The following IPCEF1 variants were observed in gnomAD, a reference collection of about 807,000 sequenced individuals.
IPCEF1 encodes the protein interactor protein for cytohesin exchange factors 1.
In IPCEF1, 31 loss-of-function variants were observed where a neutral mutation model predicts 50.9. The observed-to-expected ratio is 0.61, with a 90% CI of 0.46 to 0.82. The LOEUF (loss-of-function observed/expected upper bound fraction) is 0.82, where lower values mean the gene tolerates loss of function less well. Among genes scored for constraint, IPCEF1 ranks in the 40% least tolerant of loss-of-function variants. IPCEF1 has a pLI of 0.00. For synonymous variants in IPCEF1, 181 were observed against 192.0 expected (o/e 0.94, Z 0.47); for missense variants, 458 against 514.0 (o/e 0.89, Z 1.05).
intron 1 of IPCEF1, among the ~76,000 whole-genome samples, chr6:154,294,739 C>A (rs2128671070): frequency 6.6e-6 from 1 of 152,186 alleles, no homozygotes; most frequent in South Asian, 2.1e-4. Flanking sequence ...CCCTTCTCAC[C>A]CTTCAAAGTG....
chr6:154,244,482 G>A (rs374729816), intron 5 of IPCEF1, among the ~76,000 whole-genome samples: 1 of 152,306 alleles, frequency 6.6e-6, no homozygotes, highest in South Asian at 2.1e-4. Context: ...CTGTATTCAA[G>A]TACATGCTTT....
intron 5 of IPCEF1, among the ~76,000 whole-genome samples, chr6:154,226,227 C>T (rs1389643713): frequency 6.6e-6 from 1 of 152,190 alleles, no homozygotes; most frequent in Non-Finnish European, 1.5e-5. Context: ...AAAACCCATA[C>T]CTTGTATCAC....
chr6:154,259,719 G>A, intron 3 of IPCEF1, among the ~76,000 whole-genome samples: 1 of 151,918 alleles, frequency 6.6e-6, no homozygotes, highest in East Asian at 1.9e-4. Flanking sequence ...ATGGGGCAGG[G>A]GTGGCATGAG....
chr6:154,168,155 T>C lies in IPCEF1; in HGVS notation c.911-42A>G. The C allele has an allele frequency of 1.4e-6, 2 of 1,451,390 alleles. No individual in the cohort carries two copies. The highest frequency in any genetic ancestry group is 1.9e-6 in the Non-Finnish European group (2 of 1,075,126). 89.9% of individuals were successfully genotyped at this position (1,451,390 alleles called of 1,614,324 possible). ...AAGAAAGCAGTAACAATAAACCCAG[T>C]GAAAAATCAAGGAGAGAACATTCAA... On this transcript the variant is annotated intron_variant, in intron 10 of 11. Transcript: ENST00000367220. This position sits in a 1 kb window ranked among gnomAD's most constrained non-coding sequence, Gnocchi z 4.1.
At chr6:154,208,301 C>T (rs1777671331) in intron 9 of IPCEF1, among the ~76,000 whole-genome samples, 3 of 152,158 alleles carry the variant, frequency 2.0e-5, no homozygotes, top group Admixed American at 1.3e-4. Flanking sequence ...TCTCACTGTT[C>T]CCTTTGCTTG....
chr6:154,262,314 T>A (rs1463928566), intron 3 of IPCEF1, among the ~76,000 whole-genome samples: 15 of 152,234 alleles, frequency 9.9e-5, no homozygotes. Context: ...ATAGTGGTAA[T>A]GGCTTTAGGT....
Position 154,168,327 on chromosome 6 carries a change from G to A in IPCEF1, c.911-214C>T, listed in dbSNP as rs999996939. ...CCACGTTCCCTGTGAAGGCACCAGG[G>A]AAGGAGTTATTCCAAGCCTCTCTCC... On this transcript the variant is annotated intron_variant, in intron 10 of 11. Coordinates refer to ENST00000367220, the MANE Select transcript of IPCEF1 (RefSeq NM_001130700.2). This position sits in a 1 kb window ranked among gnomAD's most constrained non-coding sequence, Gnocchi z 4.1. Among the ~76,000 whole-genome samples, 1 of 152,136 alleles carries A rather than the reference G, an allele frequency of 6.6e-6. No individual in the cohort carries two copies. Among genetic ancestry groups the A allele is most frequent in the African/African-American group, 2.4e-5 (1 of 41,430 alleles).
At position 154,203,224 on chromosome 6, in the gene IPCEF1, C is replaced by G. The variant is rs150809279; in HGVS notation, c.538-3184G>C. Among the ~76,000 whole-genome samples the G allele has an allele frequency of 1.4e-3, 212 of 152,288 alleles. 1 individual carries two copies. Among genetic ancestry groups the G allele is most frequent in the African/African-American group, 4.9e-3 (203 of 41,578 alleles). ...CAGTGCTAGTCTCTCCTCTCCGCCC[C>G]ACCTCTACTGGTAAATATGAGCCCA... On this transcript the variant is annotated intron_variant, in intron 9 of 11. Coordinates refer to ENST00000367220, the MANE Select transcript of IPCEF1 (RefSeq NM_001130700.2).
At chr6:154,309,089 T>G (rs1257912934) in intron 1 of IPCEF1, among the ~76,000 whole-genome samples, 1 of 152,162 alleles carries the variant, frequency 6.6e-6, no homozygotes, top group East Asian at 1.9e-4. Flanking sequence ...TTTGCTAAAA[T>G]AAGTTGTCTC....
At chr6:154,312,445 C>T (rs1282753739) in intron 1 of IPCEF1, among the ~76,000 whole-genome samples, 1 of 152,084 alleles carries the variant, frequency 6.6e-6, no homozygotes, top group Non-Finnish European at 1.5e-5. Flanking sequence ...CTCCTGGGTT[C>T]AAGTGATTCT....
intron 1 of IPCEF1, among the ~76,000 whole-genome samples, chr6:154,307,275 G>A (rs1326780301): frequency 6.6e-6 from 1 of 152,060 alleles, no homozygotes; most frequent in Non-Finnish European, 1.5e-5. Context: ...GATAGTGAAT[G>A]GGTCTCATGA....
intron 1 of IPCEF1, among the ~76,000 whole-genome samples, chr6:154,317,548 C>CAAAAAAAAAAAAAAAAAAAAA (rs71021041): frequency 1.8e-4 from 3 of 16,314 alleles, no homozygotes; most frequent in African/African-American, 3.0e-4. Flanking sequence ...GACTCCATCT[C>CAAAAAAAAAAAAAAAAAAAAA]AAAAAAAAAA....
At chr6:154,222,234 C>A (rs751043807) in intron 6 of IPCEF1, among the ~76,000 whole-genome samples, 1 of 152,220 alleles carries the variant, frequency 6.6e-6, no homozygotes, top group African/African-American at 2.4e-5. Context: ...ACCCTTTAGG[C>A]AGGAAGTCCT....
At chr6:154,218,289 T>C (rs1255576211) in intron 7 of IPCEF1, among the ~76,000 whole-genome samples, 1 of 152,222 alleles carries the variant, frequency 6.6e-6, no homozygotes, top group Non-Finnish European at 1.5e-5. Context: ...CTTCCCACAG[T>C]GTCTGAGAAA....
At chr6:154,183,356 A>C (rs1171936959) in intron 10 of IPCEF1, among the ~76,000 whole-genome samples, 1 of 152,208 alleles carries the variant, frequency 6.6e-6, no homozygotes, top group Non-Finnish European at 1.5e-5. Context: ...GTACTTGCAT[A>C]ACATGACCTA....
rs149572388 is a variant in IPCEF1, at chr6:154,178,853, A to T, written c.911-10740T>A. ...CCTCTCTCCTCAGAGAAAGCCTGGA[A>T]CTGAAAGACTGTGTGTCTGACCTCT... On this transcript the variant is annotated intron_variant, in intron 10 of 11. Transcript: ENST00000367220. Among the ~76,000 whole-genome samples, 47 of 152,350 alleles carry T rather than the reference A, an allele frequency of 3.1e-4. No individual in the cohort carries two copies. The East Asian group carries it at 7.1e-3, about 23-fold the overall frequency.
intron 3 of IPCEF1, among the ~76,000 whole-genome samples, chr6:154,261,580 T>C (rs1176276864): frequency 6.6e-6 from 1 of 152,222 alleles, no homozygotes. Flanking sequence ...CATGAAACTT[T>C]AGCTTTGAAA....
At chr6:154,345,070 A>G (rs1358813024) in intron 1 of IPCEF1, among the ~76,000 whole-genome samples, 2 of 152,164 alleles carry the variant, frequency 1.3e-5, no homozygotes, top group African/African-American at 4.8e-5. Context: ...GGGTTTCAAC[A>G]TGTTGCCCAG....
intron 11 of IPCEF1, among the ~76,000 whole-genome samples, chr6:154,167,435 T>C (rs907090151): frequency 3.9e-5 from 6 of 152,156 alleles, no homozygotes; most frequent in Non-Finnish European, 8.8e-5. Context: ...CAGCTGACAA[T>C]CACTACATCT....
Sources: allele counts gnomAD v4.1 joint callset (sites outside exome capture counted in the v4.1 genomes callset), GRCh38; gene constraint gnomAD v4.1.1; non-coding constraint Gnocchi (gnomAD v3.1); transcripts MANE v1.5; gene names NCBI Gene and HGNC (gene_info 2026-07-23, HGNC 2026-07-21).